TNR: variants seen among roughly 807,000 people sequenced by gnomAD.
TNR encodes tenascin R.
Under a neutral mutation model 150.4 loss-of-function variants are expected in TNR, and 45 were observed. The ratio of observed to expected loss-of-function variants is 0.30; its 90% CI spans 0.24 to 0.38. The LOEUF is 0.38. Ranked by LOEUF, TNR falls within the 10% of genes least tolerant of loss-of-function variation. TNR has a pLI of 1.00. For missense variants in TNR, 1,544 were observed against 1,759.1 expected (o/e 0.88, Z 2.19); for synonymous variants, 687 against 678.4 (o/e 1.01, Z -0.20).
chr1:175,403,678 G>C (rs1653825822), intron 3 of TNR, 62 bp from the exon 4 acceptor site: 3 of 1,409,918 alleles, frequency 2.1e-6, no homozygotes, highest in Middle Eastern at 3.7e-4. Flanking sequence ...TGGTGCTGGG[G>C]AAGGATGGGC....
At chr1:175,736,287 C>T (rs1348861394) in intron 1 of TNR, among the ~76,000 whole-genome samples, 2 of 152,110 alleles carry the variant, frequency 1.3e-5, no homozygotes, top group African/African-American at 4.8e-5. Context: ...TTTGGGAGGC[C>T]AAGGCGGGTG....
intron 1 of TNR, among the ~76,000 whole-genome samples, chr1:175,735,240 G>A (rs1289535130): frequency 6.6e-6 from 1 of 152,110 alleles, no homozygotes; most frequent in Non-Finnish European, 1.5e-5. Flanking sequence ...CTCCAGCCCT[G>A]GCGCTGCCCT....
intron 21 of TNR, 27 bp from the exon 22 acceptor site, chr1:175,324,546 T>C: frequency 6.2e-7 from 1 of 1,607,238 alleles, no homozygotes; most frequent in Non-Finnish European, 8.5e-7. Flanking sequence ...TTCATTAGGC[T>C]GTCCCATTTG....
At chr1:175,397,004 G>A (rs1360440922) in intron 4 of TNR, among the ~76,000 whole-genome samples, 197 bp from the exon 5 acceptor site, 1 of 152,148 alleles carries the variant, frequency 6.6e-6, no homozygotes, top group African/African-American at 2.4e-5. Flanking sequence ...ATCTCTATAA[G>A]GTCATGAACA....
At chr1:175,436,899 CA>C (rs1655536952) in intron 2 of TNR, among the ~76,000 whole-genome samples, 2 of 152,150 alleles carry the variant, frequency 1.3e-5, no homozygotes, top group African/African-American at 2.4e-5. Context: ...TAGTGACCTA[CA>C]AAGAGACTTA....
chr1:175,572,008 T>G (rs1373846932), intron 1 of TNR, among the ~76,000 whole-genome samples: 1 of 152,140 alleles, frequency 6.6e-6, no homozygotes, highest in East Asian at 1.9e-4. Context: ...GTGTTTGTTG[T>G]TGAACAAACT....
intron 1 of TNR, among the ~76,000 whole-genome samples, chr1:175,654,948 T>G (rs1665128845): frequency 6.6e-6 from 1 of 152,100 alleles, no homozygotes; most frequent in Admixed American, 6.6e-5. Flanking sequence ...GGTCTCGATC[T>G]CCTGACCTCG....
At chr1:175,399,097 T>C (rs1236951441) in intron 4 of TNR, among the ~76,000 whole-genome samples, 3 of 152,222 alleles carry the variant, frequency 2.0e-5, no homozygotes, top group Non-Finnish European at 4.4e-5. Context: ...TAAACTATAT[T>C]AGGAATAATT....
chr1:175,706,404 A>T (rs1666843382), intron 1 of TNR, among the ~76,000 whole-genome samples: 1 of 152,144 alleles, frequency 6.6e-6, no homozygotes, highest in South Asian at 2.1e-4. Flanking sequence ...CCACCCATTG[A>T]GAAGGACATT....
At chr1:175,597,107 T>C (rs1663040189) in intron 1 of TNR, among the ~76,000 whole-genome samples, 2 of 152,212 alleles carry the variant, frequency 1.3e-5, no homozygotes, top group Non-Finnish European at 1.5e-5. Context: ...CACTATTCAT[T>C]CTTCTTAGGA....
intron 18 of TNR, among the ~76,000 whole-genome samples, chr1:175,344,234 A>G (rs1650664936): frequency 6.6e-6 from 1 of 152,238 alleles, no homozygotes; most frequent in African/African-American, 2.4e-5. Context: ...TAGGGTGGCC[A>G]ATCCAGGACA....
chr1:175,420,721 T>C (rs1289542947), intron 2 of TNR, among the ~76,000 whole-genome samples: 1 of 152,212 alleles, frequency 6.6e-6, no homozygotes, highest in Non-Finnish European at 1.5e-5. Flanking sequence ...GTAAAGCATG[T>C]AAGGTGGGCG....
At chr1:175,518,220 T>G (rs895696427) in intron 2 of TNR, among the ~76,000 whole-genome samples, 1 of 152,228 alleles carries the variant, frequency 6.6e-6, no homozygotes, top group Non-Finnish European at 1.5e-5. Flanking sequence ...AAGCTTGAAT[T>G]GCTGCTTCTG....
At chr1:175,521,323 A>C (rs1240534866) in intron 2 of TNR, among the ~76,000 whole-genome samples, 2 of 152,198 alleles carry the variant, frequency 1.3e-5, no homozygotes, top group African/African-American at 4.8e-5. Context: ...CCCAATTGTT[A>C]GTCATACGAG....
chr1:175,391,404 C>T lies in TNR; in HGVS notation c.1391G>A (p.Ser464Asn). 6.2e-7 allele frequency: 1 copy of T among 1,614,184 alleles called. No individual in the cohort carries two copies. The change falls in exon 7 of 23, where the codon AGC becomes AAC. Residue 464 changes from serine to asparagine, a missense_variant. Physicochemically the swap from Ser to Asn is conservative, Grantham distance 46 (BLOSUM62 1). Coordinates refer to ENST00000367674, the MANE Select transcript of TNR (RefSeq NM_003285.3). ...NEGGVIAQVP[S>N]DVTSFNQTGL... is the part of the protein sequence containing the mutation. The stretch of plus-strand genomic sequence containing the variant: ...TGTCTGGTTAAAGGACGTAACATCG[C>T]TGGGGACCTGAGCAATCACTCCCCC...
intron 5 of TNR, 139 bp downstream of exon 5, chr1:175,396,405 A>T (rs1653426466): frequency 2.7e-6 from 3 of 1,116,656 alleles, no homozygotes. Context: ...AATGGGTCAC[A>T]TCTCTAGCCC....
At position 175,332,988 on chromosome 1, in the gene TNR, C is replaced by A. The variant is rs562568028; in HGVS notation, c.3631+2723G>T. 5.5e-4 allele frequency among the ~76,000 whole-genome samples: 83 copies of A among 152,258 alleles called. 2 individuals are homozygous for A. Among genetic ancestry groups the A allele is most frequent in the Middle Eastern group, 3.4e-3 (1 of 294 alleles). ...TAATAGAAGAAGGAGATACCTTAACCCTGATCCTAACCTTCACTCACAGTC... is the reference window on the plus strand; with the variant it reads ...TAATAGAAGAAGGAGATACCTTAACACTGATCCTAACCTTCACTCACAGTC... On this transcript the variant is annotated intron_variant, in intron 20 of 22. Transcript: ENST00000367674.
intron 1 of TNR, among the ~76,000 whole-genome samples, chr1:175,577,871 C>T (rs535529115): frequency 7.2e-5 from 11 of 152,290 alleles, no homozygotes; most frequent in African/African-American, 2.2e-4. Flanking sequence ...AAAGATTATC[C>T]ATGCCATTGC....
chr1:175,542,046 G>T (rs1214582388), intron 1 of TNR, among the ~76,000 whole-genome samples: 1 of 152,066 alleles, frequency 6.6e-6, no homozygotes, highest in Non-Finnish European at 1.5e-5. Context: ...CTGGCACTAG[G>T]GTAAGACTGT....
Sources: gnomAD v4.1 joint callset for allele counts (sites outside exome capture counted in the v4.1 genomes callset) on GRCh38, gnomAD v4.1.1 for gene constraint, MANE v1.5 for transcripts, NCBI Gene and HGNC (gene_info 2026-07-23, HGNC 2026-07-21) for gene names.